Variants in CORO2B observed in about 807,000 individuals in gnomAD.
The protein encoded by CORO2B is coronin-2B.
In CORO2B, 26 loss-of-function variants were observed where a neutral mutation model predicts 58.8. The ratio of observed to expected loss-of-function variants is 0.44; its 90% confidence interval spans 0.32 to 0.61. The LOEUF (loss-of-function observed/expected upper bound fraction) is 0.61, where lower values mean the gene tolerates loss of function less well. Among genes scored for constraint, CORO2B ranks in the 20% least tolerant of loss-of-function variants. CORO2B has a pLI of 0.04. For missense variants in CORO2B, 460 were observed against 645.1 expected, an observed-to-expected ratio of 0.71 and a Z score of 3.11; for synonymous variants, 242 against 253.8, an observed-to-expected ratio of 0.95 and a Z score of 0.44.
At chr15:68,663,626 CAA>C (rs909187561) in intron 2 of CORO2B, among the ~76,000 whole-genome samples, 4 of 151,984 alleles carry the variant, frequency 2.6e-5, no homozygotes, top group African/African-American at 9.7e-5. Flanking sequence ...GATTCATTAA[CAA>C]AGTGAAAAGG....
intron 2 of CORO2B, among the ~76,000 whole-genome samples, chr15:68,694,550 G>A (rs1892463794): frequency 6.6e-6 from 1 of 152,328 alleles, no homozygotes; most frequent in South Asian, 2.1e-4. Context: ...GCAGAAGGAC[G>A]CTCATTCATA....
chr15:68,689,658 G>A (rs1452285077), intron 2 of CORO2B, among the ~76,000 whole-genome samples: 1 of 152,186 alleles, frequency 6.6e-6, no homozygotes, highest in Non-Finnish European at 1.5e-5. Flanking sequence ...TTGGTCTCCG[G>A]TCACACCCCC....
intron 1 of CORO2B, among the ~76,000 whole-genome samples, chr15:68,611,394 T>G (rs2140245626): frequency 6.6e-6 from 1 of 152,340 alleles, no homozygotes; most frequent in Non-Finnish European, 1.5e-5. Flanking sequence ...TTCACTTGTT[T>G]GTTTGTTTTT....
chr15:68,715,416 C>T, intron 8 of CORO2B, 105 bp downstream of exon 8: 1 of 793,502 alleles, frequency 1.3e-6, no homozygotes, highest in Non-Finnish European at 2.1e-6. Context: ...CTCAGAAGGC[C>T]ATAGCACATG....
At chr15:68,589,623 T>G (rs1309291243) in intron 1 of CORO2B, among the ~76,000 whole-genome samples, 1 of 152,254 alleles carries the variant, frequency 6.6e-6, no homozygotes, top group African/African-American at 2.4e-5. Flanking sequence ...CCCAAGTTAC[T>G]GCTCAGGTTG....
intron 2 of CORO2B, among the ~76,000 whole-genome samples, chr15:68,685,918 T>C (rs1902954985): frequency 6.7e-6 from 1 of 150,146 alleles, no homozygotes; most frequent in Non-Finnish European, 1.5e-5. Context: ...AGAAAAAGAG[T>C]AGGAAGGGAG....
chr15:68,559,834 C>G, the CORO2B span, among the ~76,000 whole-genome samples: 1 of 152,238 alleles, frequency 6.6e-6, no homozygotes, highest in East Asian at 1.9e-4. The surrounding 1 kb of genome is among the most constrained non-coding windows in gnomAD (Gnocchi z 4.3). Flanking sequence ...ACCAGCAGGT[C>G]TCCCGCAAAC....
At chr15:68,523,297 G>A in the CORO2B span, among the ~76,000 whole-genome samples, 2 of 151,976 alleles carry the variant, frequency 1.3e-5, no homozygotes, top group African/African-American at 4.8e-5. Flanking sequence ...CAGGCTCAAT[G>A]TGATCCTCCC....
At chr15:68,708,357 C>CTTTTTTTTTTTTTTTTT (rs921103212) in intron 3 of CORO2B, among the ~76,000 whole-genome samples, 1 of 114,966 alleles carries the variant, frequency 8.7e-6, no homozygotes, top group Non-Finnish European at 1.8e-5. Context: ...TTTTTTTCTT[C>CTTTTTTTTTTTTTTTTT]TTTTTTTTTT....
In CORO2B at chr15:68,726,722, G is replaced by A. The variant is rs1462833303; in HGVS notation, c.*748G>A. On this transcript the variant is annotated 3_prime_UTR_variant, in exon 12 of 12. Coordinates refer to ENST00000261861, the MANE Select transcript of CORO2B (RefSeq NM_006091.5). ...TGACAGAACTGAGGGTTGCAATGGG[G>A]AAATGACTTATAAAGTCACCCAGCA... is the stretch of plus-strand genomic sequence containing the variant. The A allele has an allele frequency of 2.6e-5, 4 of 152,364 alleles. No individual in the cohort carries two copies. Among genetic ancestry groups the A allele is most frequent in the African/African-American group, 4.8e-5 (2 of 41,428 alleles). 9.4% of individuals were successfully genotyped at this position (152,364 alleles called of 1,614,324 possible). A position where few individuals can be genotyped will look rare whatever the true frequency, so the allele number is the denominator to read the frequency against.
At chr15:68,576,479 C>T (rs1208588651), upstream of CORO2B, among the ~76,000 whole-genome samples, 5 of 152,266 alleles carry the variant, frequency 3.3e-5, no homozygotes, top group African/African-American at 7.2e-5. Flanking sequence ...CGGCGGATGG[C>T]GGGAAAGGTG....
chr15:68,597,053 A>C (rs1264448501), intron 1 of CORO2B, among the ~76,000 whole-genome samples: 3 of 151,720 alleles, frequency 2.0e-5, no homozygotes, highest in Non-Finnish European at 1.5e-5. Flanking sequence ...CAACCTCATT[A>C]GTATTTTGAG....
chr15:68,562,980 G>GAA, the CORO2B span, among the ~76,000 whole-genome samples: 400 of 136,008 alleles, frequency 2.9e-3, 2 homozygotes, highest in Non-Finnish European at 4.0e-3. Context: ...CCATCTCAAA[G>GAA]AAAAAAAAAA....
upstream of CORO2B, among the ~76,000 whole-genome samples, chr15:68,578,654 C>G (rs1209790902): frequency 1.3e-5 from 2 of 152,006 alleles, no homozygotes; most frequent in Non-Finnish European, 2.9e-5. The surrounding 1 kb of genome is among the most constrained non-coding windows in gnomAD (Gnocchi z 4.2). Flanking sequence ...GCGCCTCGGC[C>G]GTCCAGCCTG....
the CORO2B span, among the ~76,000 whole-genome samples, chr15:68,558,938 G>A: frequency 6.6e-6 from 1 of 152,218 alleles, no homozygotes; most frequent in African/African-American, 2.4e-5. Flanking sequence ...AAATGCGATA[G>A]TGGGTGAAGA....
At chr15:68,531,547 GGAAGGAAGGAAAGAAAGA>G in the CORO2B span, among the ~76,000 whole-genome samples, 44 of 33,818 alleles carry the variant, frequency 1.3e-3, no homozygotes, top group African/African-American at 3.8e-3. Flanking sequence ...AAGGAAGGAA[GGAAGGAAGGAAAGAAAGA>G]GAAAGAAAGA....
At chr15:68,637,789 C>A (rs1460823572) in intron 1 of CORO2B, among the ~76,000 whole-genome samples, 1 of 152,180 alleles carries the variant, frequency 6.6e-6, no homozygotes, top group East Asian at 1.9e-4. Context: ...TCCTCCCAGC[C>A]CTTTGATGTG....
At position 68,726,347 on chromosome 15, in the gene CORO2B, A is replaced by G; in HGVS notation, c.*373A>G. The G allele has an allele frequency of 3.4e-6, 1 of 292,138 alleles. No individual in the cohort carries two copies. Among genetic ancestry groups the G allele is most frequent in the South Asian group, 3.0e-5 (1 of 33,432 alleles). 18.1% of individuals were successfully genotyped at this position (292,138 alleles called of 1,614,324 possible). A position where few individuals can be genotyped will look rare whatever the true frequency, so the allele number is the denominator to read the frequency against. On this transcript the variant is annotated 3_prime_UTR_variant, in exon 12 of 12. Coordinates refer to ENST00000261861, the MANE Select transcript of CORO2B (RefSeq NM_006091.5). Reference sequence around the variant, plus strand: ...TAGAACTTGGACTTTTCCCCTGTGAAGGGGGCTGCCAGGACATCTCAGCAC... The same window carrying G: ...TAGAACTTGGACTTTTCCCCTGTGAGGGGGGCTGCCAGGACATCTCAGCAC...
chr15:68,677,614 A>C (rs1319209268), intron 2 of CORO2B, among the ~76,000 whole-genome samples: 2 of 152,148 alleles, frequency 1.3e-5, no homozygotes, highest in Admixed American at 1.3e-4. Flanking sequence ...CGGACCTTCA[A>C]AACCTCCATG....
Sources: gnomAD v4.1 joint callset for allele counts (sites outside exome capture counted in the v4.1 genomes callset) on GRCh38, gnomAD v4.1.1 for gene constraint, Gnocchi (gnomAD v3.1) non-coding constraint, MANE v1.5 for transcripts, NCBI Gene and HGNC (gene_info 2026-07-23, HGNC 2026-07-21) for gene names.